CALN1: variants seen among roughly 807,000 people sequenced by gnomAD.
CALN1 encodes the protein calneuron 1.
CALN1 carries 17 observed loss-of-function variants against 30.6 expected under a neutral mutation model. The observed-to-expected ratio is 0.56, with a 90% CI of 0.38 to 0.83. The LOEUF (loss-of-function observed/expected upper bound fraction) is 0.83, where lower values mean the gene tolerates loss of function less well. CALN1 is among the 40% of genes least tolerant of loss of function. CALN1 has a pLI of 0.00. For synonymous variants in CALN1, 156 were observed against 131.4 expected, an observed-to-expected ratio of 1.19 and a Z score of -1.28; for missense variants, 291 against 354.9, an observed-to-expected ratio of 0.82 and a Z score of 1.45.
At chr7:72,056,427 G>A (rs1234707908) in intron 4 of CALN1, among the ~76,000 whole-genome samples, 2 of 151,954 alleles carry the variant, frequency 1.3e-5, no homozygotes, top group East Asian at 1.9e-4. Flanking sequence ...ATAAAAAATC[G>A]AATGGAAAAA....
rs34604151 is a variant in CALN1, at chr7:72,186,885, CTTTTTTTT to C, written c.245-80599_245-80592del. Among the ~76,000 whole-genome samples the C allele has an allele frequency of 1.6e-4, 10 of 61,336 alleles. No homozygotes were observed. In the South Asian group the frequency reaches 4.1e-3, roughly 25 times the overall value. The allele number at this position is 61,336 out of a possible 152,430, so 40.2% of individuals were successfully genotyped here. A position where few individuals can be genotyped will look rare whatever the true frequency, so the allele number is the denominator to read the frequency against. On this transcript the variant is annotated intron_variant, in intron 3 of 6. Transcript: ENST00000395275. ...CTGCAATAAACATATGAGTGCAGAG[CTTTTTTTT>C]TTTTTTTTTTTTTTTTGATAGAATG...
chr7:72,347,713 A>G (rs927125124), intron 2 of CALN1, among the ~76,000 whole-genome samples: 1 of 152,204 alleles, frequency 6.6e-6, no homozygotes, highest in Non-Finnish European at 1.5e-5. Flanking sequence ...TTGGTGCACT[A>G]AAAGAAAATA....
intron 3 of CALN1, among the ~76,000 whole-genome samples, chr7:72,154,206 T>C (rs908843288): frequency 6.0e-5 from 9 of 150,514 alleles, no homozygotes; most frequent in Non-Finnish European, 1.0e-4. Flanking sequence ...CTGCTTCTTT[T>C]AACTAAGGAG....
At chr7:72,131,550 G>A (rs1809148759) in intron 3 of CALN1, among the ~76,000 whole-genome samples, 1 of 152,184 alleles carries the variant, frequency 6.6e-6, no homozygotes, top group Non-Finnish European at 1.5e-5. Context: ...TACCCGAACT[G>A]ATTCTCTAAC....
At chr7:71,847,847 G>GAGAAGAAGAAGAAGA (rs66530230) in intron 5 of CALN1, among the ~76,000 whole-genome samples, 8,619 of 134,816 alleles carry the variant, frequency 0.064, 653 homozygotes, top group East Asian at 0.38. Context: ...GAAGGAGAAG[G>GAGAAGAAGAAGAAGA]AGAAGAAGAA....
At chr7:72,254,310 T>G (rs535735851) in intron 3 of CALN1, among the ~76,000 whole-genome samples, 1 of 152,328 alleles carries the variant, frequency 6.6e-6, no homozygotes, top group Admixed American at 6.5e-5. Context: ...TGCACATAAT[T>G]TGCTCAGGAC....
intron 1 of CALN1, among the ~76,000 whole-genome samples, chr7:72,429,686 T>C (rs1442051070): frequency 2.0e-5 from 3 of 149,382 alleles, no homozygotes; most frequent in Non-Finnish European, 4.4e-5. Context: ...AATATCTCTA[T>C]ATATATTACA....
chr7:72,109,459 A>C (rs557661969), intron 3 of CALN1, among the ~76,000 whole-genome samples: 1 of 152,176 alleles, frequency 6.6e-6, no homozygotes, highest in South Asian at 2.1e-4. Context: ...ACACCCTATT[A>C]ATCTGCTGTT....
At chr7:72,166,758 G>T (rs879848277) in intron 3 of CALN1, among the ~76,000 whole-genome samples, 3 of 152,130 alleles carry the variant, frequency 2.0e-5, no homozygotes, top group Admixed American at 6.6e-5. Context: ...TACCAAGGTA[G>T]TCCAGGCGCG....
At chr7:72,041,506 C>A (rs1352020318) in intron 4 of CALN1, among the ~76,000 whole-genome samples, 2 of 152,142 alleles carry the variant, frequency 1.3e-5, no homozygotes, top group Non-Finnish European at 2.9e-5. Flanking sequence ...GCCTCAGCCT[C>A]CCAAGTAGCT....
intron 3 of CALN1, among the ~76,000 whole-genome samples, chr7:72,219,634 T>G (rs1793112247): frequency 6.6e-6 from 1 of 151,802 alleles, no homozygotes; most frequent in African/African-American, 2.4e-5. Context: ...AAGATACACA[T>G]GCGCGCACAC....
intron 5 of CALN1, 75 bp downstream of exon 5, chr7:72,023,582 C>G (rs1800855105): frequency 1.8e-6 from 2 of 1,107,858 alleles, no homozygotes; most frequent in Middle Eastern, 2.0e-4. Flanking sequence ...AATAGAAGTT[C>G]AAGAATTCAG....
intron 6 of CALN1, among the ~76,000 whole-genome samples, chr7:71,794,878 A>G (rs1786797102): frequency 6.6e-6 from 1 of 152,100 alleles, no homozygotes; most frequent in Non-Finnish European, 1.5e-5. Flanking sequence ...TCCAGCCCCT[A>G]AGCTCAGCAC....
chr7:71,860,334 A>G (rs908385393), intron 5 of CALN1, among the ~76,000 whole-genome samples: 3 of 151,948 alleles, frequency 2.0e-5, no homozygotes, highest in African/African-American at 7.3e-5. Context: ...CTGGGACTGC[A>G]GGCACATGCC....
intron 2 of CALN1, among the ~76,000 whole-genome samples, chr7:72,330,793 T>A (rs1342099861): frequency 6.6e-6 from 1 of 152,188 alleles, no homozygotes; most frequent in Non-Finnish European, 1.5e-5. Context: ...TTAAAATAGA[T>A]TGTCACCCTC....
chr7:71,970,230 A>T (rs1200254566), intron 5 of CALN1, among the ~76,000 whole-genome samples: 1 of 152,192 alleles, frequency 6.6e-6, no homozygotes, highest in African/African-American at 2.4e-5. Context: ...AGTGGTTATC[A>T]CTATATATAC....
chr7:72,188,220 C>T (rs1166635654), intron 3 of CALN1, among the ~76,000 whole-genome samples: 2 of 152,048 alleles, frequency 1.3e-5, no homozygotes, highest in Non-Finnish European at 2.9e-5. Context: ...GTGGAACCAG[C>T]CCAAATGTCC....
chr7:72,358,592 GA>G (rs1240938721), intron 2 of CALN1, among the ~76,000 whole-genome samples: 1 of 152,088 alleles, frequency 6.6e-6, no homozygotes, highest in African/African-American at 2.4e-5. Context: ...GGAGAGAGAA[GA>G]AAAGCGCAAT....
intron 2 of CALN1, among the ~76,000 whole-genome samples, chr7:72,366,226 T>G (rs1158431941): frequency 6.6e-6 from 1 of 152,016 alleles, no homozygotes; most frequent in East Asian, 1.9e-4. Flanking sequence ...CAGGCTGGAG[T>G]GCAGTGGCGC....
Sources: allele counts gnomAD v4.1 joint callset (sites outside exome capture counted in the v4.1 genomes callset), GRCh38; gene constraint gnomAD v4.1.1; transcripts MANE v1.5; gene names NCBI Gene and HGNC (gene_info 2026-07-23, HGNC 2026-07-21).